The following WWC2 variants were observed in gnomAD, a reference collection of about 807,000 sequenced individuals.
WWC2 encodes the protein protein WWC2.
Under a neutral mutation model 138.5 loss-of-function variants are expected in WWC2, and 101 were observed. The ratio of observed to expected loss-of-function variants is 0.73; its 90% CI spans 0.62 to 0.86. The LOEUF (loss-of-function observed/expected upper bound fraction) is 0.86. Ranked by LOEUF, WWC2 falls within the 40% of genes least tolerant of loss-of-function variation. WWC2 has a pLI of 0.00. For missense variants in WWC2, 1,420 were observed against 1,419.4 expected, an observed-to-expected ratio of 1.00 and a Z score of -0.01; for synonymous variants, 558 against 538.4, an observed-to-expected ratio of 1.04 and a Z score of -0.50.
At chr4:183,136,600 C>T (rs972259386) in intron 1 of WWC2, among the ~76,000 whole-genome samples, 9 of 152,150 alleles carry the variant, frequency 5.9e-5, no homozygotes, top group African/African-American at 1.9e-4. Context: ...TAGGCAGTTT[C>T]GTCATTGTGT....
Position 183,099,280 on chromosome 4 carries a change from C to T in WWC2, c.-212C>T, listed in dbSNP as rs1579932336. ...GAGGGTTCGCTCGCCGGCTCCGACG[C>T]AGACATGGTGGACTGATCCGCAGCG... is the stretch of plus-strand genomic sequence containing the variant. On this transcript the variant is annotated 5_prime_UTR_variant, in exon 1 of 23. Transcript: ENST00000403733. The T allele has an allele frequency of 3.4e-6, 1 of 294,180 alleles. No individual in the cohort carries two copies. Among genetic ancestry groups the T allele is most frequent in the Non-Finnish European group, 5.7e-6 (1 of 175,626 alleles). 18.2% of individuals were successfully genotyped at this position (294,180 alleles called of 1,614,324 possible).
intron 22 of WWC2, among the ~76,000 whole-genome samples, chr4:183,313,986 G>T (rs1258980010): frequency 2.6e-5 from 4 of 152,058 alleles, no homozygotes; most frequent in South Asian, 4.2e-4. Flanking sequence ...GCATAAAGGG[G>T]AGAAGCCCAG....
intron 17 of WWC2, among the ~76,000 whole-genome samples, chr4:183,282,388 G>C (rs1738103870): frequency 6.6e-6 from 1 of 152,182 alleles, no homozygotes; most frequent in Admixed American, 6.5e-5. Flanking sequence ...TTTATAGTGA[G>C]TGTCAATATT....
chr4:183,279,450 G>C (rs1399441541), intron 16 of WWC2, among the ~76,000 whole-genome samples: 1 of 152,034 alleles, frequency 6.6e-6, no homozygotes, highest in Non-Finnish European at 1.5e-5. Context: ...TTTTTGTTGT[G>C]TCTCTGCCTG....
chr4:183,309,994 G>C (rs1739155710), intron 21 of WWC2, among the ~76,000 whole-genome samples: 1 of 152,194 alleles, frequency 6.6e-6, no homozygotes, highest in African/African-American at 2.4e-5. Context: ...TCATCCAACT[G>C]TATGGCATTC....
Position 183,187,989 on chromosome 4 carries a change from A to G in WWC2, c.132-5610A>G, listed in dbSNP as rs189064900. On this transcript the variant is annotated intron_variant, in intron 1 of 22. Transcript: ENST00000403733. ...AACAACCTTGCATAATTCTTGGAAC[A>G]TAATAGACAACTAATAAAATTAGTT... 1.5e-3 allele frequency among the ~76,000 whole-genome samples: 223 copies of G among 152,348 alleles called. 2 individuals are homozygous for G. The highest frequency in any genetic ancestry group is 5.1e-3 in the African/African-American group (212 of 41,584).
chr4:183,249,190 A>G (rs952540326), intron 7 of WWC2, among the ~76,000 whole-genome samples: 6 of 152,208 alleles, frequency 3.9e-5, no homozygotes, highest in Admixed American at 6.5e-5. Context: ...GTCCTTTCAA[A>G]TAAACATTAG....
chr4:183,188,321 C>G (rs1415153278), intron 1 of WWC2, among the ~76,000 whole-genome samples: 2 of 152,152 alleles, frequency 1.3e-5, no homozygotes, highest in Non-Finnish European at 2.9e-5. Flanking sequence ...TCACTACAAC[C>G]TCCACCTCCC....
At chr4:183,150,316 G>A (rs1286471245) in intron 1 of WWC2, among the ~76,000 whole-genome samples, 3 of 152,144 alleles carry the variant, frequency 2.0e-5, no homozygotes, top group African/African-American at 7.2e-5. Context: ...GATTTCAATA[G>A]GTGAAGAGAT....
At position 183,284,317 on chromosome 4, in the gene WWC2, C is replaced by A; in HGVS notation, c.2975C>A (p.Pro992Gln). 6.2e-7 allele frequency: 1 copy of A among 1,613,976 alleles called. No individual in the cohort carries two copies. ...AGCAGCCTGAGCTCTAGACAGCATC[C>A]GTTTGTGAGGAGCAGTGTGATAGTG... ...ERSSLSSRQH[P>Q]FVRSSVIVRS... Residue 992 changes from proline (P) to glutamine (Q), a missense_variant, in exon 19 of 23, where the codon CCG (proline) becomes CAG (glutamine). Physicochemically the swap from Pro to Gln is moderately conservative, Grantham distance 76. Transcript: ENST00000403733.
intron 1 of WWC2, among the ~76,000 whole-genome samples, chr4:183,169,456 A>C (rs556061006): frequency 1.3e-5 from 2 of 151,058 alleles, no homozygotes; most frequent in Non-Finnish European, 2.9e-5. Context: ...TTATTTTTTC[A>C]TAGAAGTGGA....
chr4:183,286,383 A>AT (rs1738254477), intron 20 of WWC2, among the ~76,000 whole-genome samples: 1 of 152,132 alleles, frequency 6.6e-6, no homozygotes, highest in Non-Finnish European at 1.5e-5. Flanking sequence ...TCTGCATACC[A>AT]TGTCCAGGTC....
At chr4:183,151,254 C>T (rs940475567) in intron 1 of WWC2, among the ~76,000 whole-genome samples, 2 of 152,198 alleles carry the variant, frequency 1.3e-5, no homozygotes, top group Non-Finnish European at 2.9e-5. Flanking sequence ...GATGGTATCT[C>T]ATTGTGGTTT....
Position 183,271,091 on chromosome 4 carries a change from G to A in WWC2, c.2412G>A (p.Gln804=), listed in dbSNP as rs1409322247. The A allele has an allele frequency of 6.3e-7, 1 of 1,591,848 alleles. No individual in the cohort carries two copies. Among genetic ancestry groups the A allele is most frequent in the Non-Finnish European group, 8.6e-7 (1 of 1,168,900 alleles). Residue 804 remains glutamine (Q), a synonymous_variant, in exon 16 of 23, where the codon CAG becomes CAA. Transcript: ENST00000403733. ...TTTCACTTACATAGGCTGGAACTCA[G>A]ATCAGCCTGGCAGATTTACCATTTT... ...HRREECLAGT[Q]ISLADLPFSS...
At chr4:183,187,155 C>T (rs1734829355) in intron 1 of WWC2, among the ~76,000 whole-genome samples, 1 of 152,144 alleles carries the variant, frequency 6.6e-6, no homozygotes, top group Non-Finnish European at 1.5e-5. Flanking sequence ...TATCCCCCCA[C>T]TGCACACAGA....
chr4:183,156,686 G>A (rs1264131794), intron 1 of WWC2, among the ~76,000 whole-genome samples: 2 of 152,156 alleles, frequency 1.3e-5, no homozygotes, highest in Admixed American at 1.3e-4. Flanking sequence ...ACTGTTCTCA[G>A]TAAATGAATT....
intron 1 of WWC2, among the ~76,000 whole-genome samples, chr4:183,140,075 G>T (rs1158904567): frequency 6.6e-6 from 1 of 152,232 alleles, no homozygotes; most frequent in African/African-American, 2.4e-5. Flanking sequence ...GCCTTACAAA[G>T]TCCTGGGATT....
intron 1 of WWC2, among the ~76,000 whole-genome samples, chr4:183,164,331 AT>A (rs1734059779): frequency 5.1e-3 from 4 of 786 alleles, no homozygotes; most frequent in African/African-American, 9.4e-3. Context: ...ATATATATAT[AT>A]ATATACATAT....
Position 183,282,843 on chromosome 4 carries a change from C to G in WWC2, c.2820C>G (p.Asn940Lys). The part of the protein sequence containing the change: ...TSVPEMNEDG[N>K]RKESNCAKDL... The stretch of plus-strand genomic sequence containing the variant: ...TGCCTGAGATGAATGAAGACGGGAA[C>G]AGGAAAGAAAGCAACTGTGCCAAAG... The change falls in exon 18 of 23, where the codon AAC becomes AAG. Residue 940 changes from asparagine (N) to lysine (K), a missense_variant. Coordinates refer to ENST00000403733, the MANE Select transcript of WWC2 (RefSeq NM_024949.6). The G allele has an allele frequency of 6.3e-7, 1 of 1,592,442 alleles. No individual in the cohort carries two copies. Among genetic ancestry groups the G allele is most frequent in the Non-Finnish European group, 8.6e-7 (1 of 1,169,104 alleles).
Sources: allele counts gnomAD v4.1 joint callset (sites outside exome capture counted in the v4.1 genomes callset), GRCh38; gene constraint gnomAD v4.1.1; transcripts MANE v1.5; gene names NCBI Gene and HGNC (gene_info 2026-07-23, HGNC 2026-07-21).